Variants in NUP58 observed in about 807,000 individuals in gnomAD.
The protein encoded by NUP58 is nucleoporin 58.
NUP58 carries 17 observed loss-of-function variants against 70.1 expected under a neutral mutation model. The ratio of observed to expected loss-of-function variants is 0.24; its 90% confidence interval spans 0.17 to 0.36. NUP58 has a LOEUF of 0.36. NUP58 is among the 10% of genes least tolerant of loss of function. The pLI is 1.00. For synonymous variants in NUP58, 275 were observed against 257.6 expected (o/e 1.07, Z -0.65); for missense variants, 644 against 701.5 (o/e 0.92, Z 0.93).
intron 3 of NUP58, among the ~76,000 whole-genome samples, chr13:25,348,056 T>A (rs2032070423): frequency 6.6e-6 from 1 of 152,164 alleles, no homozygotes; most frequent in African/African-American, 2.4e-5. Flanking sequence ...AGCAGTGCAG[T>A]CTGCACTGTC....
chr13:25,326,049 C>G (rs1383877808), intron 10 of NUP58, among the ~76,000 whole-genome samples: 1 of 152,120 alleles, frequency 6.6e-6, no homozygotes, highest in Non-Finnish European at 1.5e-5. Flanking sequence ...GGGTTATTTG[C>G]AGAAATAATG....
chr13:25,308,032 A>G, intron 2 of NUP58, 84 bp downstream of exon 2: 2 of 1,485,724 alleles, frequency 1.3e-6, no homozygotes, highest in South Asian at 1.3e-5. Flanking sequence ...CTTTACAAGG[A>G]TCATCACTGG....
intron 13 of NUP58, chr13:25,333,784 T>G: frequency 1.0e-6 from 1 of 985,420 alleles, no homozygotes; most frequent in Middle Eastern, 5.2e-4. Context: ...TCTTTGTTTT[T>G]AAGTGCCAGT....
At chr13:25,331,963 A>G in intron 13 of NUP58, 15 of 1,037,440 alleles carry the variant, frequency 1.4e-5, no homozygotes, top group Non-Finnish European at 1.6e-5. Context: ...TAGGTGGTGC[A>G]TTCTCATTTT....
At chr13:25,333,240 T>C in intron 13 of NUP58, 1 of 985,378 alleles carries the variant, frequency 1.0e-6, no homozygotes, top group Non-Finnish European at 1.2e-6. Context: ...GTTCATTCTC[T>C]AAATGAGTGC....
chr13:25,309,097 G>T, intron 2 of NUP58, 150 bp from the exon 3 acceptor site: 2 of 614,812 alleles, frequency 3.3e-6, no homozygotes, highest in Non-Finnish European at 5.7e-6. Context: ...AAAAATGCGT[G>T]ATTAGTGGCA....
At chr13:25,314,399 A>G (rs180795417) in intron 5 of NUP58, among the ~76,000 whole-genome samples, 1 of 152,198 alleles carries the variant, frequency 6.6e-6, no homozygotes, top group Non-Finnish European at 1.5e-5. Flanking sequence ...GTCTTATAAA[A>G]GTATAGATTT....
chr13:25,314,689 C>G (rs2030843837), intron 5 of NUP58, among the ~76,000 whole-genome samples: 1 of 152,046 alleles, frequency 6.6e-6, no homozygotes, highest in Non-Finnish European at 1.5e-5. Context: ...GAGCGAAACT[C>G]CATCTCAAAA....
chr13:25,302,849 C>A (rs1351478278), intron 1 of NUP58: 1 of 409,566 alleles, frequency 2.4e-6, no homozygotes, highest in African/African-American at 2.1e-5. Flanking sequence ...TCCATACCTC[C>A]GTTATTCTTA....
chr13:25,319,237 A>G, intron 6 of NUP58, 89 bp from the exon 7 acceptor site: 2 of 1,090,394 alleles, frequency 1.8e-6, no homozygotes, highest in Non-Finnish European at 2.8e-6. Flanking sequence ...TTATATTTAT[A>G]CTTTAATTTG....
chr13:25,337,701 A>G (rs1186939737), intron 14 of NUP58, among the ~76,000 whole-genome samples: 14 of 152,144 alleles, frequency 9.2e-5, no homozygotes, highest in Non-Finnish European at 1.0e-4. Context: ...CCTTATTTCC[A>G]CTAAAATATA....
At chr13:25,306,401 A>T in intron 1 of NUP58, among the ~76,000 whole-genome samples, 1 of 151,784 alleles carries the variant, frequency 6.6e-6, no homozygotes, top group East Asian at 1.9e-4. Context: ...CTCAAAAAAA[A>T]AAAAAAAAAA....
chr13:25,331,647 T>C, intron 13 of NUP58, 89 bp downstream of exon 13: 1 of 1,517,688 alleles, frequency 6.6e-7, no homozygotes, highest in Non-Finnish European at 8.9e-7. Context: ...GTGTGAGCAC[T>C]GAAGAAATTT....
chr13:25,301,650 C>A lies in NUP58; in HGVS notation c.-124C>A. 1 of 491,700 alleles carries A rather than the reference C, an allele frequency of 2.0e-6. No homozygotes were observed. Among genetic ancestry groups the A allele is most frequent in the Non-Finnish European group, 3.5e-6 (1 of 288,644 alleles). 30.5% of individuals were successfully genotyped at this position (491,700 alleles called of 1,614,324 possible). A position where few individuals can be genotyped will look rare whatever the true frequency, so the allele number is the denominator to read the frequency against. ...AGCCTTGCCTTCGCCGCCGTTGGGG[C>A]TGGAAGTTCCCGCCAGGTCCGTGCC... On this transcript the variant is annotated 5_prime_UTR_variant, in exon 1 of 16. It adds an upstream start codon to the 5' untranslated region. Transcript: ENST00000381736.
In NUP58 at chr13:25,301,879, A is replaced by G. The variant is rs756151014; in HGVS notation, c.106A>G (p.Ser36Gly). 5 of 1,605,840 alleles carry G rather than the reference A, an allele frequency of 3.1e-6. No individual in the cohort carries two copies. The South Asian group carries it at 4.4e-5, about 14-fold the overall frequency. Residue 36 changes from serine (S) to glycine (G), a missense_variant and splice_region_variant, in exon 1 of 16, where the codon AGC (serine) becomes GGC (glycine). By Grantham distance (56) the Ser-to-Gly change is moderately conservative. This residue lies in a region of NUP58 where 430 missense variants were observed against 409.2 expected (regional missense o/e 1.05). Transcript: ENST00000381736. The stretch of plus-strand genomic sequence containing the variant: ...TTTCTCCTTCGGAACGGGAGCGTCT[A>G]GGTAACCGCACTTTCTCGCCTTCCT... Reference protein sequence around the residue: ...GVFSFGTGASSNPSVGLNFGN... With the variant: ...GVFSFGTGASGNPSVGLNFGN...
intron 3 of NUP58, chr13:25,310,085 C>T (rs948052279): frequency 3.0e-6 from 1 of 335,018 alleles, no homozygotes; most frequent in Admixed American, 3.5e-5. Context: ...CTCTGTTGCC[C>T]AGGCTGGAGT....
At chr13:25,304,927 G>A (rs2030244120) in intron 1 of NUP58, among the ~76,000 whole-genome samples, 1 of 152,036 alleles carries the variant, frequency 6.6e-6, no homozygotes, top group African/African-American at 2.4e-5. Context: ...ACTACTACCA[G>A]CTAAGCTAAA....
At position 25,307,043 on chromosome 13, in the gene NUP58, A is replaced by G. The variant is rs912977843; in HGVS notation, c.108-763A>G. Among the ~76,000 whole-genome samples the G allele has an allele frequency of 5.3e-5, 8 of 152,090 alleles. No homozygotes were observed. The East Asian group carries it at 7.7e-4, about 15-fold the overall frequency. ...GCCCCATGAATGTGGTAATGTAGCAATGGAAAGCTAGTGAAGATAATTTAA... is the reference window on the plus strand; with the variant it reads ...GCCCCATGAATGTGGTAATGTAGCAGTGGAAAGCTAGTGAAGATAATTTAA... On this transcript the variant is annotated intron_variant, in intron 1 of 15. Coordinates refer to ENST00000381736, the MANE Select transcript of NUP58 (RefSeq NM_014089.4).
chr13:25,304,476 GATTATATATATATATATATAT>G (rs1345995874), intron 1 of NUP58, among the ~76,000 whole-genome samples: 6 of 81,566 alleles, frequency 7.4e-5, no homozygotes, highest in Non-Finnish European at 1.3e-4. Flanking sequence ...ATGTTGTCAA[GATTATATATATATATATATAT>G]ATATATATAT....
Sources: allele counts gnomAD v4.1 joint callset (sites outside exome capture counted in the v4.1 genomes callset), GRCh38; gene constraint gnomAD v4.1.1; regional missense constraint gnomAD v4.1.1; transcripts MANE v1.5; gene names NCBI Gene and HGNC (gene_info 2026-07-23, HGNC 2026-07-21).